The following BNC2 variants were observed in gnomAD, a reference collection of about 807,000 sequenced individuals.
The protein encoded by BNC2 is zinc finger protein basonuclin-2.
BNC2 carries 20 observed loss-of-function variants against 76.3 expected under a neutral mutation model. The observed-to-expected ratio is 0.26, with a 90% confidence interval of 0.18 to 0.38. The LOEUF (loss-of-function observed/expected upper bound fraction) is 0.38, where lower values mean the gene tolerates loss of function less well. Among genes scored for constraint, BNC2 ranks in the 10% least tolerant of loss-of-function variants. The pLI, the probability that BNC2 is intolerant of heterozygous loss-of-function variation, is 1.00. For missense variants in BNC2, 1,382 were observed against 1,399.8 expected, an observed-to-expected ratio of 0.99 and a Z score of 0.20; for synonymous variants, 582 against 514.8, an observed-to-expected ratio of 1.13 and a Z score of -1.77.
chr9:16,439,160 T>G (rs541375261), intron 5 of BNC2, among the ~76,000 whole-genome samples: 43 of 152,200 alleles, frequency 2.8e-4, no homozygotes, highest in Admixed American at 2.7e-3. Context: ...TCCCCGGCCA[T>G]GTGGAATTAT....
At chr9:16,803,158 G>A (rs1276480160) in intron 1 of BNC2, among the ~76,000 whole-genome samples, 1 of 152,320 alleles carries the variant, frequency 6.6e-6, no homozygotes, top group African/African-American at 2.4e-5. Flanking sequence ...GATGTATCCT[G>A]TGTGTTTCCA....
intron 3 of BNC2, among the ~76,000 whole-genome samples, chr9:16,685,887 G>A (rs938886269): frequency 1.3e-5 from 2 of 152,160 alleles, no homozygotes; most frequent in African/African-American, 4.8e-5. Flanking sequence ...ACAGCAGGTA[G>A]CACACAGTAG....
At chr9:16,420,470 T>C (rs1007802217) in intron 6 of BNC2, among the ~76,000 whole-genome samples, 2 of 151,854 alleles carry the variant, frequency 1.3e-5, no homozygotes, top group African/African-American at 4.8e-5. Context: ...TTTAAAAAAA[T>C]AAAACCCACC....
At chr9:16,591,943 T>C (rs1431704533) in intron 3 of BNC2, among the ~76,000 whole-genome samples, 2 of 152,192 alleles carry the variant, frequency 1.3e-5, no homozygotes, top group Non-Finnish European at 2.9e-5. Flanking sequence ...CTGAAATTTC[T>C]TGGTGTCTTC....
At chr9:16,443,441 C>T (rs375294721) in intron 5 of BNC2, among the ~76,000 whole-genome samples, 1 of 152,054 alleles carries the variant, frequency 6.6e-6, no homozygotes, top group Non-Finnish European at 1.5e-5. Flanking sequence ...AATATCAAAG[C>T]AAGAGAAACA....
At chr9:16,846,766 TAA>T (rs1818992894) in intron 1 of BNC2, among the ~76,000 whole-genome samples, 1 of 152,072 alleles carries the variant, frequency 6.6e-6, no homozygotes, top group African/African-American at 2.4e-5. Context: ...CCATGAAGAG[TAA>T]GTGACCAAAG....
At chr9:16,725,213 TCTCTCA>T (rs1554717008) in intron 3 of BNC2, among the ~76,000 whole-genome samples, 1 of 38,996 alleles carries the variant, frequency 2.6e-5, no homozygotes, top group Non-Finnish European at 6.5e-5. Context: ...TAAGTCTCTC[TCTCTCA>T]CACACACACA....
chr9:16,669,003 C>G (rs901955624), intron 3 of BNC2, among the ~76,000 whole-genome samples: 2 of 152,122 alleles, frequency 1.3e-5, no homozygotes, highest in African/African-American at 2.4e-5. Context: ...CCCCACCCCC[C>G]TCAAGACACA....
chr9:16,533,268 C>A (rs1016056870), intron 5 of BNC2, among the ~76,000 whole-genome samples: 2 of 151,978 alleles, frequency 1.3e-5, no homozygotes, highest in Admixed American at 1.3e-4. Context: ...CAGGAAACAC[C>A]CTGCATGCCT....
At chr9:16,667,700 A>G (rs1286706853) in intron 3 of BNC2, among the ~76,000 whole-genome samples, 1 of 152,228 alleles carries the variant, frequency 6.6e-6, no homozygotes, top group East Asian at 1.9e-4. Flanking sequence ...CATTTGTAAT[A>G]TGAAAGTTAA....
intron 3 of BNC2, among the ~76,000 whole-genome samples, chr9:16,720,977 G>A (rs555761809): frequency 6.6e-6 from 1 of 152,144 alleles, no homozygotes; most frequent in South Asian, 2.1e-4. Context: ...AAATCTGCGA[G>A]GCTTCCTACA....
rs548882154 is a variant in BNC2 at position 16,418,837 on chromosome 9, CGTGT to C, written c.*148_*151del. The C allele has an allele frequency of 2.4e-6, 2 of 823,730 alleles. No homozygotes were observed. The highest frequency in any genetic ancestry group is 1.8e-5 in the African/African-American group (1 of 55,284). The allele number at this position is 823,730 out of a possible 1,614,324, so 51.0% of individuals were successfully genotyped here. A position where few individuals can be genotyped will look rare whatever the true frequency, so the allele number is the denominator to read the frequency against. On this transcript the variant is annotated 3_prime_UTR_variant, in exon 7 of 7. Transcript: ENST00000380672. The stretch of plus-strand genomic sequence containing the variant: ...TTATCTTGTTTATCTCAAGGAAATA[CGTGT>C]GTGTATATGTAGCCACAGAGCATAC...
chr9:16,536,253 T>C (rs1587142212), intron 5 of BNC2, among the ~76,000 whole-genome samples: 1 of 151,468 alleles, frequency 6.6e-6, no homozygotes, highest in East Asian at 1.9e-4. Flanking sequence ...TCCAAATCTT[T>C]TATAGACAAT....
chr9:16,511,422 T>G (rs1352485793), intron 5 of BNC2, among the ~76,000 whole-genome samples: 2 of 132,074 alleles, frequency 1.5e-5, no homozygotes, highest in Non-Finnish European at 3.2e-5. Context: ...TAAATTTACT[T>G]TTTTTTTTTT....
chr9:16,500,672 G>A (rs999054979), intron 5 of BNC2, among the ~76,000 whole-genome samples: 1 of 152,128 alleles, frequency 6.6e-6, no homozygotes, highest in Non-Finnish European at 1.5e-5. Context: ...CAGGGTGGAT[G>A]GAGCAGGAGG....
At chr9:16,813,004 T>G (rs542432347) in intron 1 of BNC2, among the ~76,000 whole-genome samples, 1 of 151,830 alleles carries the variant, frequency 6.6e-6, no homozygotes, top group Non-Finnish European at 1.5e-5. Flanking sequence ...AGGTCAAGAG[T>G]TGGAGACCAG....
rs920139548 is a variant in BNC2 at position 16,684,541 on chromosome 9, A to G, written c.330+43256T>C. ...TCTACCCTCATTCTCACTGCATAGAAGTCCATTTTTTAAATGGTTCTCTCT... is the reference window on the plus strand; with the variant it reads ...TCTACCCTCATTCTCACTGCATAGAGGTCCATTTTTTAAATGGTTCTCTCT... On this transcript the variant is annotated intron_variant, in intron 3 of 6. Transcript: ENST00000380672. Among the ~76,000 whole-genome samples the G allele has an allele frequency of 2.0e-5, 3 of 152,288 alleles. No individual in the cohort carries two copies. In the South Asian group the frequency reaches 6.2e-4, roughly 32 times the overall value.
intron 3 of BNC2, among the ~76,000 whole-genome samples, chr9:16,706,422 T>G (rs1823675490): frequency 6.6e-6 from 1 of 152,192 alleles, no homozygotes; most frequent in Non-Finnish European, 1.5e-5. Flanking sequence ...TGAGCTGTGA[T>G]TATCCCTACA....
chr9:16,608,939 T>C (rs1587230814), intron 3 of BNC2, among the ~76,000 whole-genome samples: 1 of 152,210 alleles, frequency 6.6e-6, no homozygotes, highest in Admixed American at 6.5e-5. Context: ...TTTTATTATG[T>C]ACTTAAGGTT....
Sources: allele counts gnomAD v4.1 joint callset (sites outside exome capture counted in the v4.1 genomes callset), GRCh38; gene constraint gnomAD v4.1.1; transcripts MANE v1.5; gene names NCBI Gene and HGNC (gene_info 2026-07-23, HGNC 2026-07-21).